RABGAP1L: variants seen among roughly 807,000 people sequenced by gnomAD.
The protein encoded by RABGAP1L is RAB GTPase activating protein 1 like.
A neutral mutation model predicts 137.7 loss-of-function variants in RABGAP1L; 63 were observed. That is an observed-to-expected ratio of 0.46 (90% confidence interval 0.37 to 0.56). RABGAP1L has a LOEUF of 0.56. Among genes scored for constraint, RABGAP1L ranks in the 20% least tolerant of loss-of-function variants. The pLI, the probability that RABGAP1L is intolerant of heterozygous loss-of-function variation, is 0.00. For synonymous variants in RABGAP1L, 431 were observed against 433.7 expected, an observed-to-expected ratio of 0.99 and a Z score of 0.08; for missense variants, 1,095 against 1,244.0, an observed-to-expected ratio of 0.88 and a Z score of 1.80.
chr1:174,742,671 G>A (rs927401495), intron 17 of RABGAP1L, among the ~76,000 whole-genome samples: 6 of 152,204 alleles, frequency 3.9e-5, no homozygotes, highest in African/African-American at 1.4e-4. Flanking sequence ...GTATCATTAT[G>A]AAGAGTATCA....
chr1:174,632,343 A>C (rs1337527128), intron 13 of RABGAP1L, among the ~76,000 whole-genome samples: 1 of 146,888 alleles, frequency 6.8e-6, no homozygotes, highest in Non-Finnish European at 1.5e-5. Flanking sequence ...CTTCATTTCA[A>C]CTTTGGTGAA....
At chr1:174,199,070 T>C (rs1667915418) in intron 1 of RABGAP1L, among the ~76,000 whole-genome samples, 1 of 152,096 alleles carries the variant, frequency 6.6e-6, no homozygotes, top group Non-Finnish European at 1.5e-5. Flanking sequence ...ATTGCGCCAT[T>C]GCACTCCAGC....
At chr1:174,202,748 T>A (rs925803856) in intron 1 of RABGAP1L, among the ~76,000 whole-genome samples, 22 of 152,176 alleles carry the variant, frequency 1.4e-4, no homozygotes, top group East Asian at 3.9e-4. Flanking sequence ...CTGAATGGTA[T>A]TGCCTAGGTT....
At chr1:174,706,148 A>G (rs1185966614) in intron 17 of RABGAP1L, among the ~76,000 whole-genome samples, 1 of 152,170 alleles carries the variant, frequency 6.6e-6, no homozygotes, top group African/African-American at 2.4e-5. Flanking sequence ...TATTTTAAAG[A>G]TTTCTTCATT....
At chr1:174,324,503 A>C (rs1464559362) in intron 11 of RABGAP1L, among the ~76,000 whole-genome samples, 1 of 152,200 alleles carries the variant, frequency 6.6e-6, no homozygotes, top group Non-Finnish European at 1.5e-5. Context: ...ACTGTGGAAC[A>C]CTGAAATGGA....
chr1:174,783,707 CTTTTTTT>C (rs34367315), intron 18 of RABGAP1L, among the ~76,000 whole-genome samples: 1 of 102,476 alleles, frequency 9.8e-6, no homozygotes, highest in Non-Finnish European at 1.9e-5. Flanking sequence ...TCTTCTTCTT[CTTTTTTT>C]TTTTTTTTTT....
intron 18 of RABGAP1L, chr1:174,800,317 T>C (rs1337847828): frequency 6.5e-7 from 1 of 1,545,938 alleles, no homozygotes; most frequent in Non-Finnish European, 8.7e-7. Flanking sequence ...TCATTCTGGA[T>C]ACCTACTTAG....
At chr1:174,657,812 CAT>C (rs1200018185) in intron 14 of RABGAP1L, among the ~76,000 whole-genome samples, 1 of 152,088 alleles carries the variant, frequency 6.6e-6, no homozygotes, top group Non-Finnish European at 1.5e-5. Flanking sequence ...TAGGAAACTC[CAT>C]ACTGCTTGTG....
intron 18 of RABGAP1L, among the ~76,000 whole-genome samples, chr1:174,783,835 A>C (rs1235904275): frequency 2.0e-5 from 3 of 148,124 alleles, no homozygotes; most frequent in African/African-American, 7.5e-5. Flanking sequence ...CAGTCTCCCT[A>C]GTGGCTGGGA....
At position 174,219,226 on chromosome 1, in the gene RABGAP1L, A is replaced by C. The variant is rs1037500832; in HGVS notation, c.69A>C (p.Glu23Asp). 3 of 1,603,870 alleles carry C rather than the reference A, an allele frequency of 1.9e-6. No individual in the cohort carries two copies. Among genetic ancestry groups the C allele is most frequent in the Non-Finnish European group, 2.6e-6 (3 of 1,173,332 alleles). ...ATTCTGTGGCTACAATGAACAGTGA[A>C]GAATTTGTTTTGGTTCCTCAGTATG... ...SSDSVATMNS[E>D]EFVLVPQYAD... is the part of the protein sequence containing the mutation. The change falls in exon 2 of 26, where the codon GAA becomes GAC. Residue 23 changes from glutamate (E) to aspartate (D), a missense_variant. By Grantham distance (45) the Glu-to-Asp change is conservative (BLOSUM62 2). Transcript: ENST00000681986.
intron 13 of RABGAP1L, among the ~76,000 whole-genome samples, chr1:174,476,674 A>G (rs1658543675): frequency 6.6e-6 from 1 of 152,180 alleles, no homozygotes; most frequent in South Asian, 2.1e-4. Flanking sequence ...GGATTTGACA[A>G]GTTAATTAGT....
intron 13 of RABGAP1L, among the ~76,000 whole-genome samples, chr1:174,614,824 C>G (rs1288877904): frequency 6.6e-6 from 1 of 152,134 alleles, no homozygotes; most frequent in Non-Finnish European, 1.5e-5. Context: ...TCATTTCATT[C>G]ATTTGATCTT....
intron 11 of RABGAP1L, among the ~76,000 whole-genome samples, chr1:174,354,329 T>C (rs1683438257): frequency 6.6e-6 from 1 of 152,100 alleles, no homozygotes; most frequent in African/African-American, 2.4e-5. Context: ...GCTTTGCTTC[T>C]AGTCACCTCC....
At chr1:174,656,183 A>G (rs191826498) in intron 14 of RABGAP1L, among the ~76,000 whole-genome samples, 1 of 152,342 alleles carries the variant, frequency 6.6e-6, no homozygotes, top group African/African-American at 2.4e-5. Flanking sequence ...CAGGCTGGGC[A>G]TAGTGGCTTA....
At chr1:174,717,270 G>C (rs1681097855) in intron 17 of RABGAP1L, among the ~76,000 whole-genome samples, 1 of 151,952 alleles carries the variant, frequency 6.6e-6, no homozygotes, top group Non-Finnish European at 1.5e-5. Context: ...ATTTAGGTAG[G>C]CATGCTGGGC....
At chr1:174,756,198 C>T (rs960631946) in intron 18 of RABGAP1L, among the ~76,000 whole-genome samples, 1 of 152,082 alleles carries the variant, frequency 6.6e-6, no homozygotes, top group African/African-American at 2.4e-5. Context: ...GCCCAGGCTG[C>T]AGAGCGGTGG....
At chr1:174,957,686 G>T in intron 20 of RABGAP1L, 137 bp downstream of exon 20, 1 of 952,512 alleles carries the variant, frequency 1.0e-6, no homozygotes, top group South Asian at 1.4e-5. Flanking sequence ...CAAGTAGCTG[G>T]GATTACAGGC....
At chr1:174,679,443 A>G (rs904007019) in intron 14 of RABGAP1L, among the ~76,000 whole-genome samples, 8 of 152,232 alleles carry the variant, frequency 5.3e-5, no homozygotes, top group African/African-American at 1.9e-4. Context: ...AATGAAGGAT[A>G]TCTATGGAAA....
At chr1:174,254,673 T>A (rs1382396119) in intron 7 of RABGAP1L, among the ~76,000 whole-genome samples, 1 of 152,212 alleles carries the variant, frequency 6.6e-6, no homozygotes, top group Non-Finnish European at 1.5e-5. Context: ...GAACTCATTC[T>A]TTTTTATGGC....
Sources: gnomAD v4.1 joint callset for allele counts (sites outside exome capture counted in the v4.1 genomes callset) on GRCh38, gnomAD v4.1.1 for gene constraint, MANE v1.5 for transcripts, NCBI Gene and HGNC (gene_info 2026-07-23, HGNC 2026-07-21) for gene names.